The following MSI2 variants were observed in gnomAD, a reference collection of about 807,000 sequenced individuals.
The protein encoded by MSI2 is RNA-binding protein Musashi homolog 2.
In MSI2, 17 loss-of-function variants were observed where a neutral mutation model predicts 45.6. The ratio of observed to expected loss-of-function variants is 0.37; its 90% CI spans 0.26 to 0.56. The LOEUF (loss-of-function observed/expected upper bound fraction) is 0.56. Among genes scored for constraint, MSI2 ranks in the 20% least tolerant of loss-of-function variants. The pLI is 0.77. For synonymous variants in MSI2, 156 were observed against 158.2 expected (o/e 0.99, Z 0.11); for missense variants, 293 against 444.2 (o/e 0.66, Z 3.06).
intron 6 of MSI2, among the ~76,000 whole-genome samples, chr17:57,403,359 C>G (rs1272369003): frequency 6.6e-6 from 1 of 152,210 alleles, no homozygotes; most frequent in Non-Finnish European, 1.5e-5. Context: ...ACCCAGTATG[C>G]CTCCAGTAAG....
intron 11 of MSI2, among the ~76,000 whole-genome samples, chr17:57,665,670 C>T (rs992257516): frequency 6.6e-6 from 1 of 152,080 alleles, no homozygotes. Context: ...CAGTAAATAC[C>T]GTTCAGCCCT....
chr17:57,649,310 CACAT>C (rs1910942983), intron 10 of MSI2, among the ~76,000 whole-genome samples: 1 of 150,936 alleles, frequency 6.6e-6, no homozygotes, highest in African/African-American at 2.4e-5. Flanking sequence ...ACACACACAA[CACAT>C]ACATACACTC....
At chr17:57,325,413 A>G (rs964686020) in intron 5 of MSI2, among the ~76,000 whole-genome samples, 55 of 152,230 alleles carry the variant, frequency 3.6e-4, no homozygotes, top group African/African-American at 1.2e-3. Flanking sequence ...CAATTCATCC[A>G]TGCAACTGAA....
chr17:57,674,278 C>G (rs12951789), intron 11 of MSI2, among the ~76,000 whole-genome samples: 108,354 of 122,420 alleles, frequency 0.89, 47,181 homozygotes, highest in East Asian at 0.98. Flanking sequence ...TGGGGAGGGG[C>G]GGGTGGTGGG....
intron 10 of MSI2, among the ~76,000 whole-genome samples, chr17:57,638,586 T>C (rs965722366): frequency 6.6e-5 from 10 of 152,022 alleles, no homozygotes; most frequent in Non-Finnish European, 1.2e-4. Context: ...ATAGAGTGAG[T>C]TGCTTATAAA....
chr17:57,617,223 A>C lies in MSI2; in HGVS notation c.652+1139A>C, dbSNP rs1480190241. On this transcript the variant is annotated intron_variant, in intron 9 of 13. Transcript: ENST00000284073. Reference sequence around the variant, plus strand: ...AATATTAAAAATGGCCATGATGTTAATTCTCCTCATATGAATTTTTTAGGC... The same window carrying C: ...AATATTAAAAATGGCCATGATGTTACTTCTCCTCATATGAATTTTTTAGGC... Among the ~76,000 whole-genome samples the C allele has an allele frequency of 2.6e-5, 4 of 152,240 alleles. No homozygotes were observed. In the East Asian group the frequency reaches 7.7e-4, roughly 29 times the overall value.
chr17:57,560,768 C>T (rs754424283), intron 7 of MSI2, among the ~76,000 whole-genome samples: 11 of 152,328 alleles, frequency 7.2e-5, no homozygotes, highest in African/African-American at 9.6e-5. Flanking sequence ...AATGCCTGTA[C>T]GGTTCCTCGC....
the MSI2 span, among the ~76,000 whole-genome samples, chr17:57,691,494 A>G: frequency 2.6e-5 from 4 of 152,180 alleles, no homozygotes; most frequent in African/African-American, 7.2e-5. Flanking sequence ...TTTAGAATCT[A>G]TACACAAGGG....
At chr17:57,445,566 T>C (rs1167377108) in intron 6 of MSI2, among the ~76,000 whole-genome samples, 3 of 152,102 alleles carry the variant, frequency 2.0e-5, no homozygotes, top group Non-Finnish European at 4.4e-5. Flanking sequence ...GGGGGTGCAT[T>C]TAATCATTTA....
At chr17:57,577,417 C>T (rs78423084) in intron 7 of MSI2, among the ~76,000 whole-genome samples, 1,988 of 152,274 alleles carry the variant, frequency 0.013, 11 homozygotes, top group Non-Finnish European at 0.021. Flanking sequence ...TGGTCCAAAC[C>T]GTCCCATTTC....
chr17:57,297,185 TTTG>T (rs1911043176), intron 5 of MSI2, among the ~76,000 whole-genome samples: 2 of 139,344 alleles, frequency 1.4e-5, no homozygotes, highest in Admixed American at 7.2e-5. Flanking sequence ...CCAGTTTTTT[TTTG>T]TTTTTTTTTT....
At chr17:57,509,787 C>T (rs2086312421) in intron 6 of MSI2, among the ~76,000 whole-genome samples, 1 of 152,052 alleles carries the variant, frequency 6.6e-6, no homozygotes, top group Non-Finnish European at 1.5e-5. Context: ...TGCAGTCCCC[C>T]CATGATTAAT....
At chr17:57,260,480 G>A (rs1385275838) in intron 4 of MSI2, among the ~76,000 whole-genome samples, 1 of 151,998 alleles carries the variant, frequency 6.6e-6, no homozygotes, top group Non-Finnish European at 1.5e-5. Flanking sequence ...ATTTCTGATT[G>A]CAATTGTGTG....
chr17:57,627,536 A>T lies in MSI2; in HGVS notation c.727+233A>T, dbSNP rs1416221370. 3 of 573,554 alleles carry T rather than the reference A, an allele frequency of 5.2e-6. No homozygotes were observed. The allele number at this position is 573,554 out of a possible 1,614,324, so 35.5% of individuals were successfully genotyped here. ...GGTATTTGAGAACGGCAGCTTTTAAAGGGAAAGCAGAACGGAGGCAGGAGG... is the reference window on the plus strand; with the variant it reads ...GGTATTTGAGAACGGCAGCTTTTAATGGGAAAGCAGAACGGAGGCAGGAGG... On this transcript the variant is annotated intron_variant, in intron 10 of 13. Coordinates refer to ENST00000284073, the MANE Select transcript of MSI2 (RefSeq NM_138962.4). This position sits in a 1 kb window ranked among gnomAD's most constrained non-coding sequence, Gnocchi z 4.6.
intron 5 of MSI2, among the ~76,000 whole-genome samples, chr17:57,397,666 A>G (rs150010593): frequency 3.2e-4 from 49 of 152,250 alleles, no homozygotes; most frequent in African/African-American, 1.1e-3. Flanking sequence ...GCCACAGTCC[A>G]TTTGGCAGTC....
chr17:57,383,578 T>C (rs2083635220), intron 5 of MSI2, among the ~76,000 whole-genome samples: 1 of 152,150 alleles, frequency 6.6e-6, no homozygotes, highest in African/African-American at 2.4e-5. Flanking sequence ...GGAGAATCGC[T>C]TGAACCCAGG....
At chr17:57,340,387 TAC>T (rs1269702374) in intron 5 of MSI2, among the ~76,000 whole-genome samples, 1 of 152,112 alleles carries the variant, frequency 6.6e-6, no homozygotes, top group African/African-American at 2.4e-5. Context: ...AGAATGGAGG[TAC>T]AGTGTCAACA....
At chr17:57,397,273 G>A (rs2083907979) in intron 5 of MSI2, among the ~76,000 whole-genome samples, 1 of 152,202 alleles carries the variant, frequency 6.6e-6, no homozygotes, top group South Asian at 2.1e-4. Flanking sequence ...TAACCCAAAA[G>A]GAGTATAGAA....
chr17:57,644,260 T>G (rs1910482560), intron 10 of MSI2, among the ~76,000 whole-genome samples: 1 of 139,766 alleles, frequency 7.2e-6, no homozygotes, highest in Non-Finnish European at 1.5e-5. Context: ...TTCCTTCAAA[T>G]CAAAATGTGA....
Sources: gnomAD v4.1 joint callset for allele counts (sites outside exome capture counted in the v4.1 genomes callset) on GRCh38, gnomAD v4.1.1 for gene constraint, Gnocchi (gnomAD v3.1) non-coding constraint, MANE v1.5 for transcripts, NCBI Gene and HGNC (gene_info 2026-07-23, HGNC 2026-07-21) for gene names.